KCNQ5: variants seen among roughly 807,000 people sequenced by gnomAD.
KCNQ5 encodes potassium voltage-gated channel subfamily Q member 5.
Under a neutral mutation model 98.2 loss-of-function variants are expected in KCNQ5, and 30 were observed. The ratio of observed to expected loss-of-function variants is 0.31; its 90% CI spans 0.23 to 0.41. The LOEUF is 0.41. Among genes scored for constraint, KCNQ5 ranks in the 10% least tolerant of loss-of-function variants. The probability of loss-of-function intolerance (pLI) is 1.00; values close to 1 mark genes in which losing one functional copy is unlikely to be tolerated. For missense variants in KCNQ5, 835 were observed against 1,182.5 expected, an observed-to-expected ratio of 0.71 and a Z score of 4.31; for synonymous variants, 458 against 449.4, an observed-to-expected ratio of 1.02 and a Z score of -0.24.
chr6:72,986,021 G>A (rs1012149952), intron 1 of KCNQ5, among the ~76,000 whole-genome samples: 1 of 152,138 alleles, frequency 6.6e-6, no homozygotes, highest in Non-Finnish European at 1.5e-5. Context: ...ATGAGGTCAG[G>A]AGTTCGAGAC....
chr6:72,813,233 C>A (rs1181262537), intron 1 of KCNQ5, among the ~76,000 whole-genome samples: 1 of 152,048 alleles, frequency 6.6e-6, no homozygotes, highest in Admixed American at 6.6e-5. Flanking sequence ...TTTAAAATAT[C>A]TTTTTTTCAG....
chr6:73,092,453 T>C lies in KCNQ5; in HGVS notation c.919-12804T>C, dbSNP rs139700545. ...GATAAGAGTGGGCATCCTTATCTTG[T>C]TCCAGTTCTCAGAGGGAATGCTTTC... On this transcript the variant is annotated intron_variant, in intron 5 of 13. Coordinates refer to ENST00000370398, the MANE Select transcript of KCNQ5 (RefSeq NM_019842.4). 3.5e-3 allele frequency among the ~76,000 whole-genome samples: 527 copies of C among 152,270 alleles called. 1 individual carries two copies. Among genetic ancestry groups the C allele is most frequent in the Admixed American group, 6.4e-3 (98 of 15,298 alleles).
At position 73,186,657 on chromosome 6, in the gene KCNQ5, AG is replaced by A. The variant is rs1379198773; in HGVS notation, c.1578-3915del. Reference sequence around the variant, plus strand: ...ATAGATGTGAACAACTCAAGAGCCTAGAGAGTAACATACAGTAAAATAATTA... The same window carrying A: ...ATAGATGTGAACAACTCAAGAGCCTAAGAGTAACATACAGTAAAATAATTA... On this transcript the variant is annotated intron_variant, in intron 11 of 13. Transcript: ENST00000370398. Among the ~76,000 whole-genome samples, 4 of 152,056 alleles carry A rather than the reference AG, an allele frequency of 2.6e-5. No homozygotes were observed. The East Asian group carries it at 7.7e-4, about 29-fold the overall frequency.
chr6:72,939,963 A>T (rs747801681), intron 1 of KCNQ5, among the ~76,000 whole-genome samples: 37 of 152,226 alleles, frequency 2.4e-4, no homozygotes, highest in Non-Finnish European at 4.3e-4. Context: ...TGAAGGCAGC[A>T]CATAAAAAAC....
At chr6:72,940,343 G>T (rs1362029037) in intron 1 of KCNQ5, among the ~76,000 whole-genome samples, 2 of 152,152 alleles carry the variant, frequency 1.3e-5, no homozygotes, top group Non-Finnish European at 2.9e-5. Context: ...TAACATTTCA[G>T]CAGGAAACTT....
At chr6:73,133,390 A>G in intron 9 of KCNQ5, 31 bp from the exon 10 acceptor site, 1 of 1,590,272 alleles carries the variant, frequency 6.3e-7, no homozygotes, top group Non-Finnish European at 8.6e-7. Flanking sequence ...AATTGCTTGA[A>G]ATGGAATAAT....
chr6:73,023,129 T>C (rs1424180583), intron 2 of KCNQ5, among the ~76,000 whole-genome samples: 1 of 152,152 alleles, frequency 6.6e-6, no homozygotes, highest in Admixed American at 6.5e-5. Context: ...GCATCAGGAC[T>C]AAAATAGAGG....
intron 1 of KCNQ5, among the ~76,000 whole-genome samples, chr6:72,848,313 C>T (rs374893107): frequency 1.2e-4 from 19 of 152,018 alleles, no homozygotes; most frequent in African/African-American, 4.6e-4. Flanking sequence ...GGTTTTAAGA[C>T]CTGCATGCAT....
At chr6:72,730,492 G>T (rs1349423064) in intron 1 of KCNQ5, among the ~76,000 whole-genome samples, 1 of 152,050 alleles carries the variant, frequency 6.6e-6, no homozygotes, top group Admixed American at 6.6e-5. Flanking sequence ...TTCAGAATTT[G>T]TTCTGGTGTA....
At chr6:72,638,408 A>G (rs932375699) in intron 1 of KCNQ5, among the ~76,000 whole-genome samples, 5 of 152,172 alleles carry the variant, frequency 3.3e-5, no homozygotes, top group African/African-American at 1.2e-4. Flanking sequence ...GCTAGTGGGT[A>G]TGGAGTTTTC....
intron 3 of KCNQ5, among the ~76,000 whole-genome samples, chr6:73,050,663 A>T (rs1013835771): frequency 2.6e-5 from 4 of 152,188 alleles, no homozygotes; most frequent in Non-Finnish European, 4.4e-5. Flanking sequence ...CCACCACCAC[A>T]ATCAAAATAC....
intron 1 of KCNQ5, among the ~76,000 whole-genome samples, chr6:72,952,008 C>T (rs990506475): frequency 1.1e-4 from 17 of 152,118 alleles, no homozygotes; most frequent in African/African-American, 3.4e-4. Flanking sequence ...AAACATTTGT[C>T]CCTGACACAC....
rs572002785 is a variant in KCNQ5, at chr6:73,067,821, T to A, written c.617-9501T>A. 2.6e-5 allele frequency among the ~76,000 whole-genome samples: 4 copies of A among 151,628 alleles called. No individual in the cohort carries two copies. The East Asian group carries it at 7.7e-4, about 29-fold the overall frequency. ...AAGTTATGGTTCTCTTTTTTCTCATTACAAAAGCAATACATGGCTATTAAA... is the reference window on the plus strand; with the variant it reads ...AAGTTATGGTTCTCTTTTTTCTCATAACAAAAGCAATACATGGCTATTAAA... On this transcript the variant is annotated intron_variant, in intron 3 of 13. Coordinates refer to ENST00000370398, the MANE Select transcript of KCNQ5 (RefSeq NM_019842.4).
intron 1 of KCNQ5, among the ~76,000 whole-genome samples, chr6:72,655,258 G>A (rs113189987): frequency 1.1e-3 from 161 of 151,620 alleles, no homozygotes; most frequent in Non-Finnish European, 1.9e-3. Context: ...GTCACCAAAG[G>A]ATACTTGAAA....
chr6:72,905,143 T>C (rs1276170169), intron 1 of KCNQ5, among the ~76,000 whole-genome samples: 1 of 152,220 alleles, frequency 6.6e-6, no homozygotes, highest in African/African-American at 2.4e-5. Flanking sequence ...TGAATTTCTT[T>C]ATTCTACTTG....
In KCNQ5 at chr6:72,744,539, G is replaced by A. The variant is rs182138423; in HGVS notation, c.398+121952G>A. On this transcript the variant is annotated intron_variant, in intron 1 of 13. Transcript: ENST00000370398. ...AAAAAGTGGTAAGAGGGCCAGGCAC[G>A]GTGGCTCATGCCTGTAATCCCAGTA... 2.1e-3 allele frequency among the ~76,000 whole-genome samples: 324 copies of A among 152,254 alleles called. 2 individuals carry two copies. Among genetic ancestry groups the A allele is most frequent in the Admixed American group, 4.2e-3 (64 of 15,298 alleles).
chr6:73,041,181 A>G (rs764860290), intron 2 of KCNQ5, among the ~76,000 whole-genome samples: 6 of 152,200 alleles, frequency 3.9e-5, no homozygotes, highest in Admixed American at 1.3e-4. Context: ...TTGGTTTTTC[A>G]TTCTATCATC....
At chr6:73,050,337 AG>A (rs927716689) in intron 3 of KCNQ5, among the ~76,000 whole-genome samples, 1 of 141,580 alleles carries the variant, frequency 7.1e-6, no homozygotes, top group African/African-American at 2.6e-5. Context: ...GAAGGGAGGG[AG>A]GGAAGGAGGG....
At chr6:73,162,083 A>T (rs1259606781) in intron 10 of KCNQ5, among the ~76,000 whole-genome samples, 1 of 141,054 alleles carries the variant, frequency 7.1e-6, no homozygotes, top group Non-Finnish European at 1.6e-5. Flanking sequence ...TGCCCAGCTA[A>T]TTTTTTTTTT....
Sources: allele counts gnomAD v4.1 joint callset (sites outside exome capture counted in the v4.1 genomes callset), GRCh38; gene constraint gnomAD v4.1.1; transcripts MANE v1.5; gene names NCBI Gene and HGNC (gene_info 2026-07-23, HGNC 2026-07-21).